ARL15: variants seen among roughly 807,000 people sequenced by gnomAD.
ARL15 encodes ADP-ribosylation factor-like protein 15.
A neutral mutation model predicts 25.2 loss-of-function variants in ARL15; 19 were observed. That is an observed-to-expected ratio of 0.75 (90% CI 0.53 to 1.10). The LOEUF is 1.10. ARL15 is among the 50% of genes least tolerant of loss of function. ARL15 has a pLI of 0.00. For synonymous variants in ARL15, 94 were observed against 86.8 expected (o/e 1.08, Z -0.46); for missense variants, 220 against 246.0 (o/e 0.89, Z 0.71).
At chr5:53,904,388 A>G (rs2111952542) in intron 4 of ARL15, among the ~76,000 whole-genome samples, 1 of 152,346 alleles carries the variant, frequency 6.6e-6, no homozygotes, top group Middle Eastern at 3.4e-3. Flanking sequence ...AACAGATAAA[A>G]TATGAACTTG....
chr5:54,307,225 T>C (rs1758779953), intron 1 of ARL15, among the ~76,000 whole-genome samples: 2 of 152,238 alleles, frequency 1.3e-5, no homozygotes, highest in South Asian at 4.1e-4. Context: ...AAAAGGATTA[T>C]ATCTTGATCA....
At chr5:53,975,886 G>C (rs1479065958) in intron 4 of ARL15, among the ~76,000 whole-genome samples, 1 of 152,192 alleles carries the variant, frequency 6.6e-6, no homozygotes, top group Non-Finnish European at 1.5e-5. Context: ...TGGGTGTGTA[G>C]CTATAATAAC....
At position 53,928,971 on chromosome 5, in the gene ARL15, G is replaced by A. The variant is rs913877202; in HGVS notation, c.463-42258C>T. 3.3e-5 allele frequency among the ~76,000 whole-genome samples: 5 copies of A among 152,246 alleles called. No homozygotes were observed. In the South Asian group the frequency reaches 6.2e-4, roughly 19 times the overall value. Reference sequence around the variant, plus strand: ...ATTTGCCAGTTTGTATAGGGCCCACGTATTTATACTTTAGCAAAAGCACTA... The same window carrying A: ...ATTTGCCAGTTTGTATAGGGCCCACATATTTATACTTTAGCAAAAGCACTA... On this transcript the variant is annotated intron_variant, in intron 4 of 4. Coordinates refer to ENST00000504924, the MANE Select transcript of ARL15 (RefSeq NM_019087.3).
At chr5:54,184,439 TAAAAAAAAAAAAAAAAAA>T (rs527755025) in intron 1 of ARL15, among the ~76,000 whole-genome samples, 2 of 69,116 alleles carry the variant, frequency 2.9e-5, no homozygotes, top group Admixed American at 2.0e-4. Context: ...ACACTGTCTT[TAAAAAAAAAAAAAAAAAA>T]AAAAAAAAAA....
intron 4 of ARL15, among the ~76,000 whole-genome samples, chr5:53,960,874 G>A (rs1444012376): frequency 2.0e-5 from 3 of 152,174 alleles, no homozygotes; most frequent in Admixed American, 6.5e-5. Context: ...CTGGAACACT[G>A]TGGGTGGGAT....
intron 1 of ARL15, among the ~76,000 whole-genome samples, chr5:54,241,211 C>A (rs1459410242): frequency 6.6e-6 from 1 of 152,078 alleles, no homozygotes; most frequent in African/African-American, 2.4e-5. Context: ...GCCAGCAGAA[C>A]AACCAGTACC....
rs760275793 is a variant in ARL15 at position 54,113,351 on chromosome 5, A to G, written c.313T>C (p.Phe105Leu). Residue 105 changes from phenylalanine to leucine, a missense_variant, in exon 4 of 5, where the codon TTT becomes CTT. Phe to Leu is a conservative substitution (Grantham distance 22, BLOSUM62 0). Transcript: ENST00000504924. ...RYYQGSQGVI[F>L]VLDSASSEDD... is the part of the protein sequence containing the mutation. ...TCTGAAGAGGCACTGTCTAATACAA[A>G]TATTACCCCTTGAGATCCTTGGTAG... 1 of 1,613,956 alleles carries G rather than the reference A, an allele frequency of 6.2e-7. No homozygotes were observed.
chr5:53,943,797 G>C (rs1746626802), intron 4 of ARL15, among the ~76,000 whole-genome samples: 1 of 152,144 alleles, frequency 6.6e-6, no homozygotes, highest in Non-Finnish European at 1.5e-5. Context: ...AAGAATGACA[G>C]ACAGCCATGG....
At chr5:54,127,340 AC>A (rs1173442507) in intron 3 of ARL15, among the ~76,000 whole-genome samples, 6 of 152,168 alleles carry the variant, frequency 3.9e-5, no homozygotes, top group Non-Finnish European at 5.9e-5. Context: ...CAAAACCAAT[AC>A]GCAAAAATCA....
At chr5:54,248,645 C>T (rs1757156744) in intron 1 of ARL15, among the ~76,000 whole-genome samples, 1 of 152,212 alleles carries the variant, frequency 6.6e-6, no homozygotes, top group South Asian at 2.1e-4. Context: ...GTCTTCTCTA[C>T]TCGAATGTAA....
intron 4 of ARL15, among the ~76,000 whole-genome samples, chr5:54,034,534 T>C (rs1386197312): frequency 1.3e-5 from 2 of 152,224 alleles, no homozygotes; most frequent in East Asian, 1.9e-4. Flanking sequence ...CAAATTGCTA[T>C]GTAACTACTT....
At chr5:53,892,671 T>G (rs549507167) in intron 4 of ARL15, among the ~76,000 whole-genome samples, 1 of 151,848 alleles carries the variant, frequency 6.6e-6, no homozygotes, top group Non-Finnish European at 1.5e-5. Context: ...GGCACAATCA[T>G]AGCTCACTTC....
intron 2 of ARL15, among the ~76,000 whole-genome samples, chr5:54,158,593 T>C (rs1754308724): frequency 2.0e-5 from 3 of 151,932 alleles, no homozygotes; most frequent in Non-Finnish European, 4.4e-5. Flanking sequence ...GAAAGTGAAG[T>C]GCCAGGCACG....
At chr5:53,968,411 C>T (rs34429598) in intron 4 of ARL15, among the ~76,000 whole-genome samples, 1 of 152,064 alleles carries the variant, frequency 6.6e-6, no homozygotes, top group African/African-American at 2.4e-5. Flanking sequence ...CAAACAAACC[C>T]TAAAATACAG....
intron 4 of ARL15, among the ~76,000 whole-genome samples, chr5:54,066,999 T>C (rs1485942565): frequency 6.6e-6 from 1 of 152,108 alleles, no homozygotes; most frequent in Non-Finnish European, 1.5e-5. Context: ...AAAAACGACA[T>C]CTGAAAAGGA....
At chr5:54,058,167 A>T (rs1367343688) in intron 4 of ARL15, among the ~76,000 whole-genome samples, 1 of 151,768 alleles carries the variant, frequency 6.6e-6, no homozygotes, top group African/African-American at 2.4e-5. Context: ...CACCATGCTC[A>T]GTTAATTTTT....
chr5:54,137,446 T>C (rs1175146014), intron 3 of ARL15, among the ~76,000 whole-genome samples: 1 of 152,222 alleles, frequency 6.6e-6, no homozygotes, highest in East Asian at 1.9e-4. Context: ...CAACCTTTTC[T>C]TCCACTCCTC....
chr5:54,175,820 T>C lies in ARL15; in HGVS notation c.49-3892A>G, dbSNP rs1288648938. Among the ~76,000 whole-genome samples, 8 of 151,984 alleles carry C rather than the reference T, an allele frequency of 5.3e-5. No homozygotes were observed. In the South Asian group the frequency reaches 8.3e-4, roughly 16 times the overall value. On this transcript the variant is annotated intron_variant, in intron 1 of 4. Coordinates refer to ENST00000504924, the MANE Select transcript of ARL15 (RefSeq NM_019087.3). ...AGTGTGCACCACCACACCCAGCTAATTTTTGTATCTTTGTAGAGATGGGGT... is the reference window on the plus strand; with the variant it reads ...AGTGTGCACCACCACACCCAGCTAACTTTTGTATCTTTGTAGAGATGGGGT...
chr5:54,058,469 C>T (rs1442633819), intron 4 of ARL15, among the ~76,000 whole-genome samples: 1 of 152,210 alleles, frequency 6.6e-6, no homozygotes, highest in East Asian at 1.9e-4. Context: ...GGAGATCCTC[C>T]TCTCCAGGAG....
Sources: gnomAD v4.1 joint callset for allele counts (sites outside exome capture counted in the v4.1 genomes callset) on GRCh38, gnomAD v4.1.1 for gene constraint, MANE v1.5 for transcripts, NCBI Gene and HGNC (gene_info 2026-07-23, HGNC 2026-07-21) for gene names.